The following TMEM163 variants were observed in gnomAD, a reference collection of about 807,000 sequenced individuals.
TMEM163 encodes transmembrane protein 163.
A neutral mutation model predicts 29.3 loss-of-function variants in TMEM163; 17 were observed. That is an observed-to-expected ratio of 0.58 (90% CI 0.40 to 0.87). The LOEUF (loss-of-function observed/expected upper bound fraction) is 0.87. Among genes scored for constraint, TMEM163 ranks in the 40% least tolerant of loss-of-function variants. The pLI is 0.00. For missense variants in TMEM163, 303 were observed against 381.5 expected (o/e 0.79, Z 1.71); for synonymous variants, 157 against 160.6 (o/e 0.98, Z 0.17).
At chr2:134,512,707 AG>A (rs1480379915) in intron 4 of TMEM163, among the ~76,000 whole-genome samples, 1 of 152,208 alleles carries the variant, frequency 6.6e-6, no homozygotes, top group Non-Finnish European at 1.5e-5. Context: ...TTAACTCCAA[AG>A]GGGAGTAAGA....
chr2:134,574,884 T>C (rs1681513787), intron 2 of TMEM163, among the ~76,000 whole-genome samples: 1 of 152,188 alleles, frequency 6.6e-6, no homozygotes, highest in Non-Finnish European at 1.5e-5. Flanking sequence ...TTAGGCTTGC[T>C]GGACTGAGCA....
intron 2 of TMEM163, among the ~76,000 whole-genome samples, chr2:134,605,571 G>A (rs756945219): frequency 1.3e-5 from 2 of 151,890 alleles, no homozygotes; most frequent in African/African-American, 4.8e-5. Flanking sequence ...GGTGGCAGGC[G>A]CCTGTAATCC....
chr2:134,564,022 G>C (rs186340416), intron 2 of TMEM163, among the ~76,000 whole-genome samples: 13 of 152,276 alleles, frequency 8.5e-5, no homozygotes, highest in Admixed American at 2.6e-4. Context: ...CTACACTCCA[G>C]CCTGGGTGAC....
chr2:134,718,114 T>C lies in TMEM163; in HGVS notation c.202+620A>G, dbSNP rs549895834. On this transcript the variant is annotated intron_variant, in intron 1 of 7. Transcript: ENST00000281924. Reference sequence around the variant, plus strand: ...CCCAAATCCAAATGTCCCATTCCTCTGCCCCATCATGAGACGACGGGGCAG... The same window carrying C: ...CCCAAATCCAAATGTCCCATTCCTCCGCCCCATCATGAGACGACGGGGCAG... Among the ~76,000 whole-genome samples the C allele has an allele frequency of 1.6e-3, 250 of 152,352 alleles. 1 individual carries two copies. The highest frequency in any genetic ancestry group is 5.3e-3 in the Admixed American group (81 of 15,312).
At chr2:134,650,048 A>C (rs2104846876) in intron 2 of TMEM163, among the ~76,000 whole-genome samples, 1 of 149,534 alleles carries the variant, frequency 6.7e-6, no homozygotes, top group African/African-American at 2.5e-5. Context: ...TCTGCATATT[A>C]TGGCATGCAA....
At chr2:134,505,031 T>C (rs1435816133) in intron 4 of TMEM163, among the ~76,000 whole-genome samples, 2 of 152,124 alleles carry the variant, frequency 1.3e-5, no homozygotes, top group African/African-American at 4.8e-5. Flanking sequence ...TATGAGCACA[T>C]GTGCATGAGA....
rs565568637 is a variant in TMEM163, at chr2:134,569,678, A to G, written c.323-17587T>C. 7.2e-5 allele frequency among the ~76,000 whole-genome samples: 11 copies of G among 152,008 alleles called. 1 individual carries two copies. The South Asian group carries it at 2.3e-3, about 32-fold the overall frequency. On this transcript the variant is annotated intron_variant, in intron 2 of 7. Transcript: ENST00000281924. ...AGACGGTTCTCAGAGACATTCATCA[A>G]CTACCTCCAACCAACACTCAACTTC... is the stretch of plus-strand genomic sequence containing the variant.
intron 5 of TMEM163, chr2:134,468,687 T>C (rs1246576420): frequency 6.6e-6 from 1 of 152,246 alleles, no homozygotes; most frequent in African/African-American, 2.4e-5. Context: ...CTCCCTAAGT[T>C]TCCAGCGGTA....
chr2:134,639,197 C>T (rs961519746), intron 2 of TMEM163, among the ~76,000 whole-genome samples: 31 of 152,168 alleles, frequency 2.0e-4, no homozygotes, highest in African/African-American at 7.0e-4. Flanking sequence ...AGAATCAACA[C>T]GGGAGTGAAG....
chr2:134,580,127 T>G (rs1681658424), intron 2 of TMEM163, among the ~76,000 whole-genome samples: 1 of 152,138 alleles, frequency 6.6e-6, no homozygotes, highest in Non-Finnish European at 1.5e-5. Context: ...TCCAATTACG[T>G]GGTAATAAAG....
At chr2:134,599,433 C>T (rs1449684231) in intron 2 of TMEM163, among the ~76,000 whole-genome samples, 2 of 152,012 alleles carry the variant, frequency 1.3e-5, no homozygotes, top group Non-Finnish European at 1.5e-5. Context: ...GGGATTAGTG[C>T]CCAGAGGTCT....
intron 2 of TMEM163, among the ~76,000 whole-genome samples, chr2:134,695,838 G>T (rs1684567356): frequency 6.6e-6 from 1 of 152,146 alleles, no homozygotes; most frequent in Non-Finnish European, 1.5e-5. Flanking sequence ...ATCACCTGAG[G>T]TCAGGAGTTC....
At chr2:134,609,578 A>G (rs1244800768) in intron 2 of TMEM163, among the ~76,000 whole-genome samples, 1 of 93,534 alleles carries the variant, frequency 1.1e-5, no homozygotes, top group African/African-American at 4.5e-5. Context: ...TACTGGTGAA[A>G]AGGAGGACAG....
chr2:134,660,990 C>T (rs372333762), intron 2 of TMEM163, among the ~76,000 whole-genome samples: 3 of 152,180 alleles, frequency 2.0e-5, no homozygotes, highest in Non-Finnish European at 2.9e-5. Context: ...TGAGGCGTTT[C>T]GGTCATGGGG....
chr2:134,461,839 G>A (rs1686545460), intron 6 of TMEM163, among the ~76,000 whole-genome samples: 1 of 152,218 alleles, frequency 6.6e-6, no homozygotes, highest in Non-Finnish European at 1.5e-5. Context: ...CCACAAAGGG[G>A]ATGCTTGGCT....
chr2:134,605,387 C>T (rs1682330769), intron 2 of TMEM163, among the ~76,000 whole-genome samples: 1 of 152,060 alleles, frequency 6.6e-6, no homozygotes, highest in South Asian at 2.1e-4. Context: ...ACAACAGCAG[C>T]GCCCCTCAAT....
chr2:134,557,070 T>C (rs536208861), intron 2 of TMEM163, among the ~76,000 whole-genome samples: 2 of 152,262 alleles, frequency 1.3e-5, no homozygotes, highest in South Asian at 2.1e-4. Flanking sequence ...TAAACCATGC[T>C]GTTACCTGGG....
At chr2:134,533,374 C>T (rs181692768) in intron 4 of TMEM163, among the ~76,000 whole-genome samples, 14 of 151,926 alleles carry the variant, frequency 9.2e-5, no homozygotes, top group East Asian at 1.9e-4. Flanking sequence ...CACGTGCACA[C>T]GTGTAAAGCA....
chr2:134,695,385 A>C (rs1233194357), intron 2 of TMEM163, among the ~76,000 whole-genome samples: 1 of 151,856 alleles, frequency 6.6e-6, no homozygotes, highest in East Asian at 1.9e-4. Flanking sequence ...GCAAATTTTT[A>C]ATCAAAAAGA....
Sources: gnomAD v4.1 joint callset for allele counts (sites outside exome capture counted in the v4.1 genomes callset) on GRCh38, gnomAD v4.1.1 for gene constraint, MANE v1.5 for transcripts, NCBI Gene and HGNC (gene_info 2026-07-23, HGNC 2026-07-21) for gene names.